Variants in FMR1 observed in about 807,000 individuals in gnomAD.
The protein encoded by FMR1 is fragile X messenger ribonucleoprotein 1.
In FMR1, 13 loss-of-function variants were observed where a neutral mutation model predicts 50.6. That is an observed-to-expected ratio of 0.26 (90% CI 0.17 to 0.41). FMR1 has a LOEUF of 0.41. Among genes scored for constraint, FMR1 ranks in the 10% least tolerant of loss-of-function variants. The probability of loss-of-function intolerance (pLI) is 1.00; values close to 1 mark genes in which losing one functional copy is unlikely to be tolerated. For missense variants in FMR1, 316 were observed against 491.3 expected (o/e 0.64, Z 3.37); for synonymous variants, 138 against 164.1 (o/e 0.84, Z 1.22).
chrX:147,929,635 A>C (rs1448015689), intron 5 of FMR1, among the ~76,000 whole-genome samples: 1 of 111,102 alleles, frequency 9.0e-6, no homozygotes, highest in East Asian at 2.8e-4. Flanking sequence ...AGAAGAAAGA[A>C]ATCAGATACC....
intron 4 of FMR1, 110 bp downstream of exon 4, chrX:147,928,503 A>G (rs2043469237): frequency 3.0e-5 from 23 of 755,020 alleles, no homozygotes; most frequent in Non-Finnish European, 4.6e-5. Context: ...AATTTTGAGT[A>G]ATTTAATTAA....
chrX:147,945,518 G>T lies in FMR1; in HGVS notation c.1655-16G>T. ...AGAATCAGTAACTGTTGAACCTTTTGAAAATATTCTCATAGGAAACGACGA... is the reference window on the plus strand; with the variant it reads ...AGAATCAGTAACTGTTGAACCTTTTTAAAATATTCTCATAGGAAACGACGA... On this transcript the variant is annotated splice_polypyrimidine_tract_variant and intron_variant, in intron 15 of 16. Transcript: ENST00000370475. The T allele has an allele frequency of 8.5e-7, 1 of 1,179,909 alleles. No individual in the cohort carries two copies. The highest frequency in any genetic ancestry group is 1.2e-6 in the Non-Finnish European group (1 of 866,741).
intron 14 of FMR1, chrX:147,944,467 T>C (rs2124569851): frequency 2.7e-6 from 2 of 751,754 alleles, no homozygotes; most frequent in South Asian, 1.4e-4. Flanking sequence ...CTGGGCCAAA[T>C]CTTGCTAAAA....
Position 147,950,540 on chromosome X carries a change from C to T in FMR1, c.*1696C>T, listed in dbSNP as rs782089493. The T allele has an allele frequency of 2.1e-5, 7 of 327,657 alleles. No homozygotes were observed. Among genetic ancestry groups the T allele is most frequent in the East Asian group, 9.7e-5 (1 of 10,265 alleles). The allele number at this position is 327,657 out of a possible 1,213,427, so 27.0% of individuals were successfully genotyped here. A position where few individuals can be genotyped will look rare whatever the true frequency, so the allele number is the denominator to read the frequency against. ...GGGCAATATTCTCTGTACATATTAGCGACAACAGATTGGATTTTATGTTGA... is the reference window on the plus strand; with the variant it reads ...GGGCAATATTCTCTGTACATATTAGTGACAACAGATTGGATTTTATGTTGA... On this transcript the variant is annotated 3_prime_UTR_variant, in exon 17 of 17. Coordinates refer to ENST00000370475, the MANE Select transcript of FMR1 (RefSeq NM_002024.6).
In FMR1 at chrX:147,949,730, G is replaced by A. The variant is rs887530530; in HGVS notation, c.*886G>A. 6.1e-6 allele frequency: 2 copies of A among 326,850 alleles called. No individual in the cohort carries two copies. Among genetic ancestry groups the A allele is most frequent in the Non-Finnish European group, 1.2e-5 (2 of 169,417 alleles). 26.9% of individuals were successfully genotyped at this position (326,850 alleles called of 1,213,427 possible). A position where few individuals can be genotyped will look rare whatever the true frequency, so the allele number is the denominator to read the frequency against. ...CAGCTAGGAACAAATCTTCCTGGTC[G>A]AAAGTTAGTAGGATATGCCTGCTCT... On this transcript the variant is annotated 3_prime_UTR_variant, in exon 17 of 17. Transcript: ENST00000370475.
intron 1 of FMR1, chrX:147,913,721 C>T (rs1009369248): frequency 8.9e-6 from 1 of 111,927 alleles, no homozygotes. Context: ...TCTTAACAGT[C>T]TCATGAATAT....
chrX:147,950,208 C>G lies in FMR1; in HGVS notation c.*1364C>G, dbSNP rs1191216316. The G allele has an allele frequency of 3.0e-6, 1 of 328,907 alleles. No individual in the cohort carries two copies. The allele number at this position is 328,907 out of a possible 1,213,427, so 27.1% of individuals were successfully genotyped here. A position where few individuals can be genotyped will look rare whatever the true frequency, so the allele number is the denominator to read the frequency against. The stretch of plus-strand genomic sequence containing the variant: ...CTGAATCTGTACAGAGCCGTAAAAA[C>G]TGAAGTTCTGCCTCTGATGTATTTT... On this transcript the variant is annotated 3_prime_UTR_variant, in exon 17 of 17. Transcript: ENST00000370475.
At chrX:147,917,615 TA>T (rs782427673) in intron 1 of FMR1, among the ~76,000 whole-genome samples, 2 of 111,974 alleles carry the variant, frequency 1.8e-5, no homozygotes, top group South Asian at 3.7e-4. Context: ...AAAGCTTTTT[TA>T]AAAAAAAGAG....
In FMR1 at chrX:147,937,562, AC is replaced by A; in HGVS notation, c.1090del (p.His364IlefsTer14). 1 of 1,140,300 alleles carries A rather than the reference AC, an allele frequency of 8.8e-7. No individual in the cohort carries two copies. 94.0% of individuals were successfully genotyped at this position (1,140,300 alleles called of 1,213,427 possible). On this transcript the variant is annotated frameshift_variant, in exon 11 of 17. Coordinates refer to ENST00000370475, the MANE Select transcript of FMR1 (RefSeq NM_002024.6). LOFTEE classifies it high-confidence loss of function. ...ACATTTAGATATAAAGGAAAACAGC[AC>A]CCATTTTTCTCAACCTAACAGTACA... ...KKHLDIKENS[T>X]HFSQPNSTKV...
chrX:147,918,518 G>A (rs782480123), intron 1 of FMR1, among the ~76,000 whole-genome samples: 3 of 97,090 alleles, frequency 3.1e-5, no homozygotes, highest in African/African-American at 4.0e-5. Context: ...CACTACATCC[G>A]GAAATCATCC....
At chrX:147,944,157 C>G in intron 14 of FMR1, 2 of 754,269 alleles carry the variant, frequency 2.7e-6, no homozygotes, top group Non-Finnish European at 3.1e-6. Context: ...TCCCAACAGT[C>G]TGTTCTTTTT....
intron 1 of FMR1, among the ~76,000 whole-genome samples, chrX:147,914,871 T>C (rs2042771739): frequency 8.9e-6 from 1 of 112,098 alleles, no homozygotes; most frequent in Non-Finnish European, 1.9e-5. Context: ...TTTGTTTTCT[T>C]TGGACTAGAA....
In FMR1 at chrX:147,912,111, C is replaced by CGGCGGCGGCGGCGGCGGCGGCGGCGGA. The variant is rs1569545102; in HGVS notation, c.-69_-68insGGCGGCGGCGGCGGCGGCGGCGGCGGA. 1.5e-6 allele frequency: 1 copy of CGGCGGCGGCGGCGGCGGCGGCGGCGGA among 655,303 alleles called. No homozygotes were observed. The highest frequency in any genetic ancestry group is 4.7e-5 in the African/African-American group (1 of 21,130). 54.0% of individuals were successfully genotyped at this position (655,303 alleles called of 1,213,427 possible). A position where few individuals can be genotyped will look rare whatever the true frequency, so the allele number is the denominator to read the frequency against. ...GCGGCGGCGGCGGCGGCGGCGGCGG[C>CGGCGGCGGCGGCGGCGGCGGCGGCGGA]TGGGCCTCGAGCGCCCGCAGCCCAC... On this transcript the variant is annotated 5_prime_UTR_variant, in exon 1 of 17. It adds an upstream start codon to the 5' untranslated region. Transcript: ENST00000370475.
intron 2 of FMR1, among the ~76,000 whole-genome samples, chrX:147,923,574 C>G (rs1449359252): frequency 8.9e-6 from 1 of 111,772 alleles, no homozygotes; most frequent in Non-Finnish European, 1.9e-5. Context: ...AAGAATTTGT[C>G]TAGTTTATAC....
chrX:147,932,629 A>G, intron 8 of FMR1, 34 bp downstream of exon 8: 1 of 1,194,194 alleles, frequency 8.4e-7, no homozygotes, highest in Non-Finnish European at 1.1e-6. Flanking sequence ...TTTTTTCCCC[A>G]AACAAGTATT....
At chrX:147,923,035 T>C (rs1311805709) in intron 2 of FMR1, among the ~76,000 whole-genome samples, 1 of 112,100 alleles carries the variant, frequency 8.9e-6, no homozygotes, top group East Asian at 2.8e-4. Context: ...CCAGGCATAC[T>C]GAGCAATAAA....
Position 147,921,997 on chromosome X carries a change from G to C in FMR1, c.104+12G>C, listed in dbSNP as rs782022364. The C allele has an allele frequency of 9.9e-7, 1 of 1,007,988 alleles. No individual in the cohort carries two copies. 83.1% of individuals were successfully genotyped at this position (1,007,988 alleles called of 1,213,427 possible). On this transcript the variant is annotated intron_variant, in intron 2 of 16. Transcript: ENST00000370475. ...GCATTTGAAAACAAGTAAGTGTCTC[G>C]TTATATAATTTTAATGATGAGGTTC...
intron 1 of FMR1, among the ~76,000 whole-genome samples, chrX:147,920,002 T>C (rs1256876079): frequency 8.9e-6 from 1 of 112,443 alleles, no homozygotes; most frequent in Non-Finnish European, 1.9e-5. Context: ...TACCAGAAAC[T>C]ATGCCATTTA....
At chrX:147,942,247 C>A (rs1557181071) in intron 13 of FMR1, among the ~76,000 whole-genome samples, 1 of 112,091 alleles carries the variant, frequency 8.9e-6, no homozygotes, top group Admixed American at 9.4e-5. Context: ...ACCTCTGCTT[C>A]ACTGAGACGC....
Sources: gnomAD v4.1 joint callset for allele counts (sites outside exome capture counted in the v4.1 genomes callset) on GRCh38, gnomAD v4.1.1 for gene constraint, MANE v1.5 for transcripts, NCBI Gene and HGNC (gene_info 2026-07-23, HGNC 2026-07-21) for gene names.